Variants in DLGAP1 observed in about 807,000 individuals in gnomAD.
DLGAP1 encodes disks large-associated protein 1.
Under a neutral mutation model 90.8 loss-of-function variants are expected in DLGAP1, and 11 were observed. The ratio of observed to expected loss-of-function variants is 0.12; its 90% CI spans 0.08 to 0.20. The LOEUF (loss-of-function observed/expected upper bound fraction) is 0.20. Among genes scored for constraint, DLGAP1 ranks in the 10% least tolerant of loss-of-function variants. The probability of loss-of-function intolerance (pLI) is 1.00; values close to 1 mark genes in which losing one functional copy is unlikely to be tolerated. For synonymous variants in DLGAP1, 558 were observed against 540.7 expected, an observed-to-expected ratio of 1.03 and a Z score of -0.44; for missense variants, 1,050 against 1,333.8, an observed-to-expected ratio of 0.79 and a Z score of 3.31.
At chr18:3,570,088 T>C (rs1599296197) in intron 8 of DLGAP1, among the ~76,000 whole-genome samples, 1 of 152,012 alleles carries the variant, frequency 6.6e-6, no homozygotes, top group African/African-American at 2.4e-5. Context: ...CCATACTATA[T>C]AGCCCAAGTG....
intron 7 of DLGAP1, among the ~76,000 whole-genome samples, chr18:3,610,598 G>A (rs2145889038): frequency 6.6e-6 from 1 of 152,060 alleles, no homozygotes; most frequent in Middle Eastern, 3.4e-3. Context: ...ACTTTGGGAG[G>A]ACAAGGTGGG....
chr18:4,185,259 G>A (rs1206485497), intron 1 of DLGAP1, among the ~76,000 whole-genome samples: 2 of 119,156 alleles, frequency 1.7e-5, no homozygotes, highest in African/African-American at 8.0e-5. Context: ...TGAAGTATTT[G>A]AGGTTTTTTT....
At position 3,965,304 on chromosome 18, in the gene DLGAP1, T is replaced by C. The variant is rs116341463; in HGVS notation, c.-73+39812A>G. On this transcript the variant is annotated intron_variant, in intron 3 of 12. Transcript: ENST00000315677. Reference sequence around the variant, plus strand: ...ATGAAAGACTTGACTGAGTTTCTAATGTTTTGCAAAAAATAAGTAGCCAGA... The same window carrying C: ...ATGAAAGACTTGACTGAGTTTCTAACGTTTTGCAAAAAATAAGTAGCCAGA... 1.2e-3 allele frequency among the ~76,000 whole-genome samples: 182 copies of C among 152,286 alleles called. 2 individuals carry two copies. Among genetic ancestry groups the C allele is most frequent in the African/African-American group, 4.3e-3 (177 of 41,566 alleles).
intron 7 of DLGAP1, among the ~76,000 whole-genome samples, chr18:3,613,410 C>A (rs2057720635): frequency 6.6e-6 from 1 of 152,200 alleles, no homozygotes; most frequent in African/African-American, 2.4e-5. Flanking sequence ...TGGCTCACGG[C>A]AGCTTCAACC....
At chr18:4,357,320 A>G (rs1353686485) in intron 1 of DLGAP1, among the ~76,000 whole-genome samples, 1 of 151,518 alleles carries the variant, frequency 6.6e-6, no homozygotes, top group Non-Finnish European at 1.5e-5. Flanking sequence ...CGCCTGGCTA[A>G]TTTTTGTATT....
chr18:4,129,962 C>G (rs544806984), intron 2 of DLGAP1, among the ~76,000 whole-genome samples: 1 of 152,076 alleles, frequency 6.6e-6, no homozygotes, highest in Non-Finnish European at 1.5e-5. Context: ...GGGCATTGTC[C>G]GGAGCATGCT....
intron 1 of DLGAP1, among the ~76,000 whole-genome samples, chr18:4,449,408 TACCAGGTATTA>T (rs2083759918): frequency 6.6e-6 from 1 of 152,196 alleles, no homozygotes; most frequent in African/African-American, 2.4e-5. Flanking sequence ...GCTCAGTGTT[TACCAGGTATTA>T]ACAGAGTAAA....
chr18:3,530,217 G>A (rs1018153243), intron 10 of DLGAP1, among the ~76,000 whole-genome samples: 1 of 152,120 alleles, frequency 6.6e-6, no homozygotes, highest in Non-Finnish European at 1.5e-5. Flanking sequence ...ATCAGCCTGG[G>A]CAACACAGTG....
chr18:3,533,609 C>T (rs1157858874), intron 10 of DLGAP1, among the ~76,000 whole-genome samples: 1 of 152,116 alleles, frequency 6.6e-6, no homozygotes, highest in African/African-American at 2.4e-5. Context: ...GGTTCTTGCT[C>T]TGTCACCCAG....
At position 4,342,595 on chromosome 18, in the gene DLGAP1, G is replaced by T. The variant is rs1013264478; in HGVS notation, c.-267+112411C>A. On this transcript the variant is annotated intron_variant, in intron 1 of 12. Coordinates refer to ENST00000315677, the MANE Select transcript of DLGAP1 (RefSeq NM_004746.4). The surrounding 1 kb of genome is among the most constrained non-coding windows in gnomAD (Gnocchi z 5.8). Reference sequence around the variant, plus strand: ...ATTACATCATTCTTTCCAAGAATCTGGCTTAGGCTGAGATTACACAAAGAG... The same window carrying T: ...ATTACATCATTCTTTCCAAGAATCTTGCTTAGGCTGAGATTACACAAAGAG... Among the ~76,000 whole-genome samples, 4 of 151,994 alleles carry T rather than the reference G, an allele frequency of 2.6e-5. No homozygotes were observed. Among genetic ancestry groups the T allele is most frequent in the Non-Finnish European group, 4.4e-5 (3 of 68,004 alleles).
At chr18:3,785,690 C>T (rs572315646) in intron 5 of DLGAP1, among the ~76,000 whole-genome samples, 1 of 152,264 alleles carries the variant, frequency 6.6e-6, no homozygotes, top group African/African-American at 2.4e-5. Context: ...GGTTTGCATC[C>T]TCAGTGTTCT....
chr18:3,863,775 G>A (rs1276564518), intron 4 of DLGAP1, among the ~76,000 whole-genome samples: 5 of 152,174 alleles, frequency 3.3e-5, no homozygotes, highest in African/African-American at 1.2e-4. Context: ...CCTGGTGGCT[G>A]GGCTCGGGAG....
At chr18:4,114,864 T>C (rs1038360589) in intron 2 of DLGAP1, among the ~76,000 whole-genome samples, 5 of 152,184 alleles carry the variant, frequency 3.3e-5, no homozygotes, top group African/African-American at 1.2e-4. Context: ...ATGTGTCCTG[T>C]AGAGAGTATA....
intron 7 of DLGAP1, among the ~76,000 whole-genome samples, chr18:3,704,284 A>T (rs777140738): frequency 3.9e-5 from 6 of 152,132 alleles, no homozygotes; most frequent in Non-Finnish European, 8.8e-5. Flanking sequence ...ATTAAAGAAA[A>T]AATTGACCGG....
Position 3,584,056 on chromosome 18 carries a change from C to G in DLGAP1, c.1592-1808G>C, listed in dbSNP as rs2055731519. Among the ~76,000 whole-genome samples, 5 of 152,178 alleles carry G rather than the reference C, an allele frequency of 3.3e-5. No individual in the cohort carries two copies. The South Asian group carries it at 1.0e-3, about 32-fold the overall frequency. On this transcript the variant is annotated intron_variant, in intron 7 of 12. Coordinates refer to ENST00000315677, the MANE Select transcript of DLGAP1 (RefSeq NM_004746.4). ...CCGACAGCAGCCTCAGCCCCTCCCT[C>G]TAGCCATTTGATTACAACGCTGAGG...
At chr18:3,794,050 C>A (rs1217583328) in intron 5 of DLGAP1, among the ~76,000 whole-genome samples, 1 of 152,164 alleles carries the variant, frequency 6.6e-6, no homozygotes, top group Admixed American at 6.5e-5. Context: ...AGGTTAAGTA[C>A]CAGCTGAACA....
intron 2 of DLGAP1, among the ~76,000 whole-genome samples, chr18:4,033,254 T>A (rs1163109373): frequency 3.9e-5 from 6 of 152,034 alleles, no homozygotes; most frequent in African/African-American, 1.4e-4. Flanking sequence ...CTCTTGACCA[T>A]CACCCGCCAG....
At chr18:4,411,623 G>A (rs984142265) in intron 1 of DLGAP1, among the ~76,000 whole-genome samples, 5 of 152,120 alleles carry the variant, frequency 3.3e-5, no homozygotes, top group Non-Finnish European at 7.3e-5. Flanking sequence ...TGGGCTCAGC[G>A]AGGCAGCTTT....
At chr18:3,546,443 AT>A (rs895553064) in intron 9 of DLGAP1, among the ~76,000 whole-genome samples, 3 of 149,928 alleles carry the variant, frequency 2.0e-5, no homozygotes, top group African/African-American at 4.9e-5. Context: ...CAAAGTACAC[AT>A]TTTTTTTCCT....
Sources: allele counts gnomAD v4.1 joint callset (sites outside exome capture counted in the v4.1 genomes callset), GRCh38; gene constraint gnomAD v4.1.1; non-coding constraint Gnocchi (gnomAD v3.1); transcripts MANE v1.5; gene names NCBI Gene and HGNC (gene_info 2026-07-23, HGNC 2026-07-21).